Variants in TRPC7 observed in about 807,000 individuals in gnomAD.
TRPC7 encodes transient receptor potential cation channel subfamily C member 7.
In TRPC7, 42 loss-of-function variants were observed where a neutral mutation model predicts 90.1. The observed-to-expected ratio is 0.47, with a 90% confidence interval of 0.36 to 0.60. The LOEUF is 0.60. Ranked by LOEUF, TRPC7 falls within the 20% of genes least tolerant of loss-of-function variation. The pLI, the probability that TRPC7 is intolerant of heterozygous loss-of-function variation, is 0.00. For missense variants in TRPC7, 955 were observed against 1,112.3 expected (o/e 0.86, Z 2.01); for synonymous variants, 451 against 436.3 (o/e 1.03, Z -0.42).
At chr5:136,283,124 C>T (rs1757597163) in intron 3 of TRPC7, among the ~76,000 whole-genome samples, 1 of 152,216 alleles carries the variant, frequency 6.6e-6, no homozygotes, top group African/African-American at 2.4e-5. Context: ...TGTGGTATGA[C>T]CAGTTTTCTG....
At position 136,357,275 on chromosome 5, in the gene TRPC7, G is replaced by C; in HGVS notation, c.113C>G (p.Thr38Ser). ...GPAYMFNEKG[T>S]SLTPEEERFL... is the part of the protein sequence containing the mutation. ...GCGCTCCTCCTCGGGCGTCAGACTG[G>C]TGCCCTTCTCGTTGAACATGTAGGC... The change falls in exon 2 of 12, where the codon ACC (threonine) becomes AGC (serine). Residue 38 changes from threonine (T) to serine (S), a missense_variant. By Grantham distance (58) the Thr-to-Ser change is moderately conservative. Transcript: ENST00000513104. 1 of 1,613,186 alleles carries C rather than the reference G, an allele frequency of 6.2e-7. No individual in the cohort carries two copies. The highest frequency in any genetic ancestry group is 1.1e-5 in the South Asian group (1 of 91,078).
intron 10 of TRPC7, 123 bp from the exon 11 acceptor site, chr5:136,216,398 C>T: frequency 4.0e-6 from 3 of 748,444 alleles, no homozygotes; most frequent in South Asian, 3.3e-5. Flanking sequence ...CCTCCCATGC[C>T]TGGCGCCTCA....
At chr5:136,249,251 A>G (rs377361688) in intron 6 of TRPC7, among the ~76,000 whole-genome samples, 40 of 152,314 alleles carry the variant, frequency 2.6e-4, no homozygotes, top group African/African-American at 9.4e-4. Flanking sequence ...TATTTTCAAA[A>G]CTAGACTCTG....
intron 5 of TRPC7, among the ~76,000 whole-genome samples, chr5:136,256,711 G>C (rs1441567328): frequency 6.6e-6 from 1 of 152,196 alleles, no homozygotes; most frequent in Non-Finnish European, 1.5e-5. Flanking sequence ...TCTGTCTTCA[G>C]ATACCTGTGG....
intron 2 of TRPC7, among the ~76,000 whole-genome samples, chr5:136,325,732 G>GA (rs1759325561): frequency 6.6e-6 from 1 of 151,716 alleles, no homozygotes; most frequent in Non-Finnish European, 1.5e-5. Flanking sequence ...CTTCCTAAAA[G>GA]AAAAAACACC....
At chr5:136,346,196 T>G (rs1759997370) in intron 2 of TRPC7, among the ~76,000 whole-genome samples, 1 of 152,144 alleles carries the variant, frequency 6.6e-6, no homozygotes, top group Non-Finnish European at 1.5e-5. Context: ...AACCTGCACA[T>G]TGTGCACATG....
intron 2 of TRPC7, among the ~76,000 whole-genome samples, chr5:136,331,610 T>A (rs1285259595): frequency 1.3e-5 from 2 of 152,214 alleles, no homozygotes; most frequent in Non-Finnish European, 2.9e-5. Flanking sequence ...TAACTGGATA[T>A]AATTCTGTTA....
intron 3 of TRPC7, among the ~76,000 whole-genome samples, chr5:136,310,201 C>T (rs1338833771): frequency 6.6e-6 from 1 of 152,178 alleles, no homozygotes; most frequent in African/African-American, 2.4e-5. Flanking sequence ...CATGTCCTTT[C>T]TATCAGAAAT....
chr5:136,311,465 C>T (rs1416566391), intron 3 of TRPC7, among the ~76,000 whole-genome samples: 4 of 152,200 alleles, frequency 2.6e-5, no homozygotes, highest in Admixed American at 2.0e-4. Flanking sequence ...TGGGCCTAAA[C>T]TGGGATTCAG....
chr5:136,305,749 T>G (rs1248591132), intron 3 of TRPC7, among the ~76,000 whole-genome samples: 3 of 152,122 alleles, frequency 2.0e-5, no homozygotes, highest in African/African-American at 4.8e-5. Flanking sequence ...AGCCAAGCAG[T>G]TTTTCAGGCT....
At chr5:136,288,466 C>T (rs1428247784) in intron 3 of TRPC7, among the ~76,000 whole-genome samples, 3 of 145,484 alleles carry the variant, frequency 2.1e-5, no homozygotes, top group Non-Finnish European at 3.0e-5. Context: ...GCCTTGTCTG[C>T]CACCGAGATG....
intron 4 of TRPC7, 42 bp from the exon 5 acceptor site, chr5:136,266,478 G>A (rs758000736): frequency 6.6e-7 from 1 of 1,525,950 alleles, no homozygotes; most frequent in Admixed American, 1.8e-5. Context: ...ACTGTCTCTA[G>A]GTGGATGTAG....
At chr5:136,213,712 GC>G in intron 11 of TRPC7, 108 bp from the exon 12 acceptor site, 1 of 1,275,090 alleles carries the variant, frequency 7.8e-7, no homozygotes, top group Non-Finnish European at 1.1e-6. Context: ...CGGGTCCTGG[GC>G]CAGCCCACCA....
At chr5:136,333,661 C>T (rs1368212504) in intron 2 of TRPC7, among the ~76,000 whole-genome samples, 1 of 152,056 alleles carries the variant, frequency 6.6e-6, no homozygotes. Context: ...TGGTCAAGCG[C>T]AGTGGTGGTA....
rs1380636273 is a variant in TRPC7, at chr5:136,251,670, C to T, written c.1558G>A (p.Glu520Lys). Residue 520 changes from glutamate to lysine, a missense_variant, in exon 6 of 12, where the codon GAA (glutamate) becomes AAA (lysine). Glu to Lys is a moderately conservative substitution (Grantham distance 56). Transcript: ENST00000513104. ...TCACCGTAGGTGAAGTATGCCACTT[C>T]CGGCGGAAGCGAGACATTGTGCAGC... ...DTLHNVSLPP[E>K]VAYFTYARDK... is the part of the protein sequence containing the mutation. The T allele has an allele frequency of 1.2e-6, 2 of 1,608,802 alleles. No individual in the cohort carries two copies. Among genetic ancestry groups the T allele is most frequent in the East Asian group, 2.2e-5 (1 of 44,638 alleles).
chr5:136,353,362 T>G (rs974321398), intron 2 of TRPC7, among the ~76,000 whole-genome samples: 5 of 152,180 alleles, frequency 3.3e-5, no homozygotes, highest in Admixed American at 2.0e-4. Flanking sequence ...TTTCCCTGAA[T>G]GAGTATTTTA....
At chr5:136,231,734 A>G (rs768490683) in intron 7 of TRPC7, among the ~76,000 whole-genome samples, 185 bp from the exon 8 acceptor site, 14 of 152,144 alleles carry the variant, frequency 9.2e-5, no homozygotes, top group Non-Finnish European at 1.8e-4. Context: ...CCTCCTGAGT[A>G]GGTGGGACTA....
intron 2 of TRPC7, among the ~76,000 whole-genome samples, chr5:136,319,506 T>C (rs993158892): frequency 2.0e-5 from 3 of 152,318 alleles, no homozygotes; most frequent in Admixed American, 6.5e-5. Flanking sequence ...CTCCCTTCAA[T>C]GACTACTCTA....
chr5:136,283,301 A>C (rs1441002102), intron 3 of TRPC7, among the ~76,000 whole-genome samples: 1 of 152,064 alleles, frequency 6.6e-6, no homozygotes, highest in African/African-American at 2.4e-5. Flanking sequence ...CATTGCTCCT[A>C]TCTCACTTGC....
Sources: gnomAD v4.1 joint callset for allele counts (sites outside exome capture counted in the v4.1 genomes callset) on GRCh38, gnomAD v4.1.1 for gene constraint, MANE v1.5 for transcripts, NCBI Gene and HGNC (gene_info 2026-07-23, HGNC 2026-07-21) for gene names.